ACYP2: variants seen among roughly 807,000 people sequenced by gnomAD.
The protein encoded by ACYP2 is acylphosphatase-2.
A neutral mutation model predicts 11.2 loss-of-function variants in ACYP2; 12 were observed. That is an observed-to-expected ratio of 1.08 (90% CI 0.69 to 1.74). The LOEUF is 1.74. ACYP2 is among the 40% of genes most tolerant of loss of function. The pLI is 0.00. For missense variants in ACYP2, 134 were observed against 101.9 expected (o/e 1.31, Z -1.35); for synonymous variants, 43 against 32.2 (o/e 1.33, Z -1.13).
chr2:54,177,664 G>A (rs191022521), intron 6 of ACYP2, among the ~76,000 whole-genome samples: 8 of 148,336 alleles, frequency 5.4e-5, no homozygotes, highest in Admixed American at 3.4e-4. Flanking sequence ...TGCAACCTGT[G>A]CCTCCCAGGT....
At chr2:53,980,487 G>T (rs914064569) in intron 2 of ACYP2, among the ~76,000 whole-genome samples, 4 of 152,098 alleles carry the variant, frequency 2.6e-5, no homozygotes, top group African/African-American at 9.7e-5. Context: ...GGAGGCCAAG[G>T]CAAGAGGATT....
chr2:54,186,323 T>A (rs759004629), intron 6 of ACYP2, among the ~76,000 whole-genome samples: 4 of 152,114 alleles, frequency 2.6e-5, no homozygotes, highest in Non-Finnish European at 5.9e-5. Flanking sequence ...AGAAATAGCT[T>A]CTCTCAGGCA....
At chr2:54,219,117 G>T (rs1438420641) in intron 6 of ACYP2, among the ~76,000 whole-genome samples, 1 of 152,166 alleles carries the variant, frequency 6.6e-6, no homozygotes, top group Non-Finnish European at 1.5e-5. Flanking sequence ...AGACAATTTT[G>T]TAATAAATTC....
intron 6 of ACYP2, among the ~76,000 whole-genome samples, chr2:54,195,068 CTT>C (rs781320452): frequency 6.6e-5 from 10 of 152,196 alleles, no homozygotes; most frequent in East Asian, 1.9e-4. Context: ...CTGCTTCACT[CTT>C]TTCTTTTTAG....
chr2:54,061,819 G>C (rs192917131), intron 4 of ACYP2, among the ~76,000 whole-genome samples: 3 of 152,226 alleles, frequency 2.0e-5, no homozygotes, highest in African/African-American at 7.2e-5. Context: ...CAAGGCTGTA[G>C]TCCCGTCATT....
intron 4 of ACYP2, among the ~76,000 whole-genome samples, chr2:54,118,770 A>T (rs1455767062): frequency 6.6e-6 from 1 of 152,238 alleles, no homozygotes; most frequent in Non-Finnish European, 1.5e-5. Context: ...AGTTTGCAGT[A>T]TGCTAAATGG....
intron 6 of ACYP2, among the ~76,000 whole-genome samples, chr2:54,297,419 G>T (rs1165560489): frequency 6.6e-6 from 1 of 152,072 alleles, no homozygotes. Flanking sequence ...GATAGCTGAA[G>T]CTCAGGAGTT....
rs1471939103 is a variant in ACYP2 at position 54,162,982 on chromosome 2, A to G, written c.404+24234A>G. On this transcript the variant is annotated intron_variant, in intron 6 of 6. Coordinates refer to ENST00000607452, the MANE Select transcript of ACYP2 (RefSeq NM_001320586.2). ...TGGAGCCAGAGTGAGACCCTGTCTC[A>G]GAAAAGAAAAAGAAAAATTACTCTG... Among the ~76,000 whole-genome samples, 6 of 152,336 alleles carry G rather than the reference A, an allele frequency of 3.9e-5. No homozygotes were observed. The East Asian group carries it at 7.7e-4, about 20-fold the overall frequency.
At chr2:54,216,152 T>C (rs995987603) in intron 6 of ACYP2, among the ~76,000 whole-genome samples, 18 of 152,254 alleles carry the variant, frequency 1.2e-4, no homozygotes, top group Non-Finnish European at 2.1e-4. Context: ...TAATTTAAGA[T>C]GCTGGTTTTG....
chr2:54,259,042 C>T (rs1013594655), intron 6 of ACYP2, among the ~76,000 whole-genome samples: 4 of 152,206 alleles, frequency 2.6e-5, no homozygotes, highest in African/African-American at 9.6e-5. Flanking sequence ...TCCATCTTAA[C>T]AACCTGATCA....
intron 4 of ACYP2, among the ~76,000 whole-genome samples, chr2:54,109,513 A>T (rs1297746646): frequency 6.6e-6 from 1 of 152,142 alleles, no homozygotes; most frequent in African/African-American, 2.4e-5. Flanking sequence ...CCACTAAAGA[A>T]CTTATTCATG....
chr2:54,044,700 C>A (rs113762866), intron 2 of ACYP2, among the ~76,000 whole-genome samples: 1 of 152,070 alleles, frequency 6.6e-6, no homozygotes, highest in African/African-American at 2.4e-5. Flanking sequence ...CAGGGTGAAG[C>A]AGCTACAAAT....
chr2:54,281,693 A>C (rs569845118), intron 6 of ACYP2, among the ~76,000 whole-genome samples: 1 of 152,238 alleles, frequency 6.6e-6, no homozygotes, highest in South Asian at 2.1e-4. Context: ...CTTGTGAATC[A>C]GAGTGTTACA....
intron 4 of ACYP2, among the ~76,000 whole-genome samples, chr2:54,076,701 G>A (rs1347303290): frequency 6.6e-6 from 1 of 152,210 alleles, no homozygotes; most frequent in Non-Finnish European, 1.5e-5. Context: ...CATAGACCTG[G>A]AGATGGATCA....
At chr2:54,070,508 A>G (rs181851242) in intron 4 of ACYP2, among the ~76,000 whole-genome samples, 1 of 152,052 alleles carries the variant, frequency 6.6e-6, no homozygotes, top group African/African-American at 2.4e-5. Flanking sequence ...CTGTGCTTCT[A>G]TAGGTGAGAT....
intron 4 of ACYP2, among the ~76,000 whole-genome samples, chr2:54,095,706 A>G (rs1335594689): frequency 1.9e-5 from 2 of 105,730 alleles, no homozygotes; most frequent in African/African-American, 3.8e-5. Flanking sequence ...GGCCGGGCAG[A>G]GGGGCTCCTC....
At chr2:54,075,516 A>AAGG in intron 4 of ACYP2, among the ~76,000 whole-genome samples, 1 of 106,008 alleles carries the variant, frequency 9.4e-6, no homozygotes, top group African/African-American at 3.1e-5. Flanking sequence ...AAAAAAAAAG[A>AAGG]AAGAAAAAAA....
chr2:54,243,489 T>TATTC (rs1558637975), intron 6 of ACYP2, among the ~76,000 whole-genome samples: 1 of 151,958 alleles, frequency 6.6e-6, no homozygotes, highest in African/African-American at 2.4e-5. Context: ...TTTATTTATT[T>TATTC]GTTCATTCAT....
chr2:54,293,472 T>C (rs907309467), intron 6 of ACYP2, among the ~76,000 whole-genome samples: 1 of 151,948 alleles, frequency 6.6e-6, no homozygotes, highest in Non-Finnish European at 1.5e-5. Context: ...ACTGAGGAGG[T>C]TGGATGATGC....
Sources: allele counts gnomAD v4.1 joint callset (sites outside exome capture counted in the v4.1 genomes callset), GRCh38; gene constraint gnomAD v4.1.1; transcripts MANE v1.5; gene names NCBI Gene and HGNC (gene_info 2026-07-23, HGNC 2026-07-21).